Variants in KLHL20 observed in about 807,000 individuals in gnomAD.
The protein encoded by KLHL20 is kelch-like protein 20.
Under a neutral mutation model 69.5 loss-of-function variants are expected in KLHL20, and 29 were observed. The observed-to-expected ratio is 0.42, with a 90% CI of 0.31 to 0.57. The LOEUF (loss-of-function observed/expected upper bound fraction) is 0.57, where lower values mean the gene tolerates loss of function less well. Ranked by LOEUF, KLHL20 falls within the 20% of genes least tolerant of loss-of-function variation. The pLI is 0.18. For missense variants in KLHL20, 419 were observed against 776.0 expected (o/e 0.54, Z 5.47); for synonymous variants, 253 against 265.2 (o/e 0.95, Z 0.45).
At chr1:173,736,399 G>A (rs1304668864) in intron 3 of KLHL20, among the ~76,000 whole-genome samples, 1 of 152,114 alleles carries the variant, frequency 6.6e-6, no homozygotes, top group African/African-American at 2.4e-5. Context: ...ACATGCACAT[G>A]CAAGTGTCTT....
At chr1:173,753,765 G>A (rs1257631477) in intron 5 of KLHL20, among the ~76,000 whole-genome samples, 1 of 152,144 alleles carries the variant, frequency 6.6e-6, no homozygotes, top group Non-Finnish European at 1.5e-5. Flanking sequence ...TAAAACAGCT[G>A]TAGAAAGATT....
At position 173,751,838 on chromosome 1, in the gene KLHL20, C is replaced by T. The variant is rs559139059; in HGVS notation, c.672C>T (p.Asn224=). Reference sequence around the variant, plus strand: ...ATATAATATCCAGTGATGAGCTAAACGTTCGCAGTGAAGAACAAGTGTTCA... The same window carrying T: ...ATATAATATCCAGTGATGAGCTAAATGTTCGCAGTGAAGAACAAGTGTTCA... ...LIDIISSDEL[N]VRSEEQVFNA... Residue 224 remains asparagine, a synonymous_variant, in exon 4 of 12, where the codon AAC becomes AAT. Transcript: ENST00000209884. 3.7e-6 allele frequency: 6 copies of T among 1,613,936 alleles called. No individual in the cohort carries two copies. Among genetic ancestry groups the T allele is most frequent in the East Asian group, 4.5e-5 (2 of 44,876 alleles).
At chr1:173,748,460 TAATG>T (rs1673166053) in intron 3 of KLHL20, among the ~76,000 whole-genome samples, 1 of 152,202 alleles carries the variant, frequency 6.6e-6, no homozygotes, top group African/African-American at 2.4e-5. Context: ...TATTATTAAT[TAATG>T]TTGATAGAAT....
intron 2 of KLHL20, among the ~76,000 whole-genome samples, chr1:173,731,968 C>T (rs1672300882): frequency 1.3e-5 from 2 of 152,088 alleles, no homozygotes; most frequent in South Asian, 4.1e-4. Context: ...GAGGCTGAGG[C>T]AGGCGGATCA....
At chr1:173,743,690 A>G (rs941511580) in intron 3 of KLHL20, among the ~76,000 whole-genome samples, 1 of 152,068 alleles carries the variant, frequency 6.6e-6, no homozygotes, top group Non-Finnish European at 1.5e-5. Flanking sequence ...GATGCATGGT[A>G]GGTTCTGGTT....
chr1:173,773,101 C>T (rs1002566941), intron 8 of KLHL20, among the ~76,000 whole-genome samples: 7 of 152,124 alleles, frequency 4.6e-5, no homozygotes, highest in Non-Finnish European at 7.4e-5. Context: ...GCTGGGACTG[C>T]AGATGAATGC....
intron 8 of KLHL20, among the ~76,000 whole-genome samples, chr1:173,767,637 A>G (rs1647814674): frequency 6.6e-6 from 1 of 152,170 alleles, no homozygotes; most frequent in Non-Finnish European, 1.5e-5. Context: ...CCCTGATGAT[A>G]AGTGATATTG....
At chr1:173,727,039 G>C (rs1672004354) in intron 2 of KLHL20, among the ~76,000 whole-genome samples, 1 of 152,152 alleles carries the variant, frequency 6.6e-6, no homozygotes, top group Non-Finnish European at 1.5e-5. Context: ...TAACCACGCA[G>C]AGAAGTCCTT....
At chr1:173,782,403 T>C (rs1648937164) in intron 11 of KLHL20, among the ~76,000 whole-genome samples, 173 bp downstream of exon 11, 1 of 152,158 alleles carries the variant, frequency 6.6e-6, no homozygotes, top group Admixed American at 6.5e-5. Flanking sequence ...AAGTGGCTGA[T>C]ATATTACAAA....
chr1:173,769,309 T>C (rs1330229360), intron 8 of KLHL20, among the ~76,000 whole-genome samples: 1 of 152,102 alleles, frequency 6.6e-6, no homozygotes, highest in East Asian at 1.9e-4. Context: ...TAACACCTGG[T>C]TGGGAACCAG....
Position 173,733,713 on chromosome 1 carries a change from G to A in KLHL20, c.24G>A (p.Arg8=), listed in dbSNP as rs141222035. The change falls in exon 3 of 12, where the codon AGG becomes AGA. Residue 8 remains arginine, a splice_region_variant and synonymous_variant. Transcript: ENST00000209884. MEGKPMR[R]CTNIRPGETG... ...TCTCTCTCCCCCATCATTCCTATAG[G>A]TGTACCAACATTCGACCAGGAGAGA... is the stretch of plus-strand genomic sequence containing the variant. The A allele has an allele frequency of 6.8e-6, 11 of 1,609,960 alleles. No individual in the cohort carries two copies. The highest frequency in any genetic ancestry group is 9.3e-6 in the Non-Finnish European group (11 of 1,177,292).
chr1:173,755,910 A>T lies in KLHL20; in HGVS notation c.852-13A>T, dbSNP rs1476438508. 6.3e-7 allele frequency: 1 copy of T among 1,583,200 alleles called. No homozygotes were observed. The highest frequency in any genetic ancestry group is 1.4e-5 in the African/African-American group (1 of 73,818). On this transcript the variant is annotated splice_polypyrimidine_tract_variant and intron_variant, in intron 5 of 11. Coordinates refer to ENST00000209884, the MANE Select transcript of KLHL20 (RefSeq NM_014458.4). ...TTTAGATATTTGGAATAAAGGCAGA[A>T]TTTTTTCTACAGAGACTTGGTAGAT...
At chr1:173,736,981 T>C (rs926903596) in intron 3 of KLHL20, among the ~76,000 whole-genome samples, 4 of 152,188 alleles carry the variant, frequency 2.6e-5, no homozygotes, top group Admixed American at 2.0e-4. Flanking sequence ...TCATTAGTGA[T>C]GTTGAGCATT....
Position 173,732,211 on chromosome 1 carries a change from C to A in KLHL20, c.24-1502C>A, listed in dbSNP as rs562061716. On this transcript the variant is annotated intron_variant, in intron 2 of 11. Transcript: ENST00000209884. ...GACTCTGTCTCAAAAAAAAAAAAAA[C>A]CAGTGTGATGGCATGTGCCTTTAAT... is the stretch of plus-strand genomic sequence containing the variant. 9.3e-5 allele frequency among the ~76,000 whole-genome samples: 14 copies of A among 149,794 alleles called. No homozygotes were observed. In the South Asian group the frequency reaches 1.1e-3, roughly 11 times the overall value.
chr1:173,756,145 A>C (rs994940631), intron 6 of KLHL20, 107 bp downstream of exon 6: 6 of 763,706 alleles, frequency 7.9e-6, no homozygotes, highest in Non-Finnish European at 1.3e-5. Flanking sequence ...ATAAGACACA[A>C]ATAATAAGTC....
intron 10 of KLHL20, among the ~76,000 whole-genome samples, chr1:173,776,532 C>G (rs901718624): frequency 2.0e-5 from 3 of 152,064 alleles, no homozygotes; most frequent in African/African-American, 7.2e-5. Flanking sequence ...CCAGTGTTTT[C>G]TTTTAGCAGT....
chr1:173,718,901 G>A (rs1671585323), intron 2 of KLHL20, among the ~76,000 whole-genome samples: 1 of 151,724 alleles, frequency 6.6e-6, no homozygotes, highest in Non-Finnish European at 1.5e-5. Context: ...TCAGGAGATC[G>A]AGACCATCTT....
chr1:173,764,202 A>G (rs1353847334), intron 7 of KLHL20, among the ~76,000 whole-genome samples: 4 of 152,202 alleles, frequency 2.6e-5, no homozygotes, highest in Non-Finnish European at 5.9e-5. Flanking sequence ...AAGGATGGCC[A>G]TAATAAAAAA....
chr1:173,781,228 C>T (rs1648856479), intron 10 of KLHL20, among the ~76,000 whole-genome samples: 1 of 152,066 alleles, frequency 6.6e-6, no homozygotes, highest in Admixed American at 6.6e-5. Context: ...AAATAGTGGG[C>T]TAAGATAGAT....
Sources: allele counts gnomAD v4.1 joint callset (sites outside exome capture counted in the v4.1 genomes callset), GRCh38; gene constraint gnomAD v4.1.1; transcripts MANE v1.5; gene names NCBI Gene and HGNC (gene_info 2026-07-23, HGNC 2026-07-21).